The following PDGFD variants were observed in gnomAD, a reference collection of about 807,000 sequenced individuals.
PDGFD encodes platelet-derived growth factor D.
A neutral mutation model predicts 44.7 loss-of-function variants in PDGFD; 30 were observed. That is an observed-to-expected ratio of 0.67 (90% CI 0.50 to 0.91). The LOEUF is 0.91. Ranked by LOEUF, PDGFD falls within the 40% of genes least tolerant of loss-of-function variation. The probability of loss-of-function intolerance (pLI) is 0.00; values close to 1 mark genes in which losing one functional copy is unlikely to be tolerated. For synonymous variants in PDGFD, 173 were observed against 168.4 expected, an observed-to-expected ratio of 1.03 and a Z score of -0.21; for missense variants, 445 against 457.8, an observed-to-expected ratio of 0.97 and a Z score of 0.25.
chr11:103,947,642 C>A lies in PDGFD; in HGVS notation c.573+20G>T. Reference sequence around the variant, plus strand: ...TTCCATCCGTTTCTTTTGCTGGCAACAGAGTAATAAATTACTTACTGAAAT... The same window carrying A: ...TTCCATCCGTTTCTTTTGCTGGCAAAAGAGTAATAAATTACTTACTGAAAT... On this transcript the variant is annotated intron_variant, in intron 4 of 6. Transcript: ENST00000393158. The A allele has an allele frequency of 1.2e-6, 2 of 1,600,968 alleles. No individual in the cohort carries two copies. Among genetic ancestry groups the A allele is most frequent in the Non-Finnish European group, 1.7e-6 (2 of 1,168,274 alleles).
chr11:104,093,855 T>C (rs1047408267), intron 1 of PDGFD, among the ~76,000 whole-genome samples: 10 of 149,556 alleles, frequency 6.7e-5, no homozygotes, highest in Non-Finnish European at 1.5e-5. Flanking sequence ...CTGTTCATCC[T>C]CTCTCTTTCT....
At chr11:104,152,172 G>T (rs1239540481) in intron 1 of PDGFD, among the ~76,000 whole-genome samples, 1 of 152,080 alleles carries the variant, frequency 6.6e-6, no homozygotes, top group East Asian at 1.9e-4. Context: ...GTAAACTAAA[G>T]AATAAAAACT....
At chr11:103,925,735 A>ATATATG (rs1446127975) in intron 6 of PDGFD, among the ~76,000 whole-genome samples, 2 of 141,726 alleles carry the variant, frequency 1.4e-5, no homozygotes, top group African/African-American at 5.3e-5. Flanking sequence ...ATATATATAT[A>ATATATG]TGTAATTTTT....
intron 1 of PDGFD, among the ~76,000 whole-genome samples, chr11:104,042,527 T>C (rs1860372417): frequency 6.6e-6 from 1 of 152,242 alleles, no homozygotes; most frequent in East Asian, 1.9e-4. Flanking sequence ...AAGACTTTTA[T>C]AAATCCAGTT....
chr11:104,036,550 T>C lies in PDGFD; in HGVS notation c.125-36295A>G, dbSNP rs572385156. On this transcript the variant is annotated intron_variant, in intron 1 of 6. Coordinates refer to ENST00000393158, the MANE Select transcript of PDGFD (RefSeq NM_025208.5). ...TTGAGCCATCGTGTATCCATGGGAG[T>C]AGGCATTCTAGGTTCCAAACAGCAC... is the stretch of plus-strand genomic sequence containing the variant. 3.0e-4 allele frequency: 149 copies of C among 502,862 alleles called. 6 individuals are homozygous for C. In the South Asian group the frequency reaches 4.0e-3, roughly 13 times the overall value. The allele number at this position is 502,862 out of a possible 1,614,324, so 31.2% of individuals were successfully genotyped here.
intron 1 of PDGFD, among the ~76,000 whole-genome samples, chr11:104,082,543 C>A (rs1861060137): frequency 6.6e-6 from 1 of 152,056 alleles, no homozygotes; most frequent in Admixed American, 6.6e-5. Flanking sequence ...TTTTAGTTCA[C>A]TCATTTCAAA....
chr11:104,088,740 A>T (rs752814415), intron 1 of PDGFD, among the ~76,000 whole-genome samples: 4 of 152,184 alleles, frequency 2.6e-5, no homozygotes, highest in Admixed American at 6.6e-5. Context: ...ACAAAGGTCA[A>T]CTAGATCAGA....
At chr11:103,944,241 G>A (rs567246685) in intron 4 of PDGFD, among the ~76,000 whole-genome samples, 2 of 152,274 alleles carry the variant, frequency 1.3e-5, no homozygotes, top group Admixed American at 1.3e-4. Flanking sequence ...TAAAAGGAGA[G>A]GATTCACATG....
chr11:104,002,505 T>G (rs1859635415), intron 1 of PDGFD, among the ~76,000 whole-genome samples: 1 of 152,200 alleles, frequency 6.6e-6, no homozygotes, highest in Non-Finnish European at 1.5e-5. Context: ...TCCCAAGGGC[T>G]CCTATGCCAT....
intron 1 of PDGFD, among the ~76,000 whole-genome samples, chr11:104,109,311 G>A (rs1281694959): frequency 6.6e-6 from 1 of 152,066 alleles, no homozygotes; most frequent in East Asian, 1.9e-4. Context: ...TGTGTTATTC[G>A]AGATGTTTCT....
chr11:104,013,332 G>T (rs1859811636), intron 1 of PDGFD, among the ~76,000 whole-genome samples: 1 of 152,136 alleles, frequency 6.6e-6, no homozygotes, highest in Admixed American at 6.6e-5. Flanking sequence ...AGAGGGCAGG[G>T]TATAAAAGGC....
chr11:104,069,872 A>AT (rs1252244383), intron 1 of PDGFD, among the ~76,000 whole-genome samples: 1 of 152,192 alleles, frequency 6.6e-6, no homozygotes, highest in Admixed American at 6.5e-5. Flanking sequence ...AAGAAAAAAA[A>AT]ATTATGCTTT....
chr11:104,106,866 C>T (rs1565336752), intron 1 of PDGFD, among the ~76,000 whole-genome samples: 3 of 151,820 alleles, frequency 2.0e-5, no homozygotes, highest in Admixed American at 6.6e-5. Context: ...ACCTTAGCCT[C>T]GCAAGTAGCT....
intron 3 of PDGFD, among the ~76,000 whole-genome samples, chr11:103,956,906 G>A (rs1015964567): frequency 1.1e-4 from 17 of 151,946 alleles, no homozygotes; most frequent in African/African-American, 4.1e-4. Context: ...TTTTGATGGG[G>A]TTGTTTTTTT....
intron 6 of PDGFD, among the ~76,000 whole-genome samples, chr11:103,924,716 A>ACAC (rs1459398295): frequency 6.6e-6 from 1 of 152,196 alleles, no homozygotes; most frequent in Non-Finnish European, 1.5e-5. Context: ...CAAAACCAAA[A>ACAC]CACCACCACC....
intron 1 of PDGFD, among the ~76,000 whole-genome samples, chr11:104,125,349 G>C (rs11226186): frequency 0.13 from 19,825 of 151,938 alleles, 1,426 homozygotes; most frequent in East Asian, 0.29. Context: ...GGGTTGGTTT[G>C]TGGATCAAAA....
intron 3 of PDGFD, among the ~76,000 whole-genome samples, chr11:103,957,765 A>G (rs1000487692): frequency 3.3e-5 from 5 of 152,158 alleles, no homozygotes; most frequent in African/African-American, 1.2e-4. Flanking sequence ...CATGAGAATG[A>G]TATTCAAGAA....
At chr11:103,955,891 A>C (rs1367758214) in intron 3 of PDGFD, among the ~76,000 whole-genome samples, 1 of 152,170 alleles carries the variant, frequency 6.6e-6, no homozygotes, top group Non-Finnish European at 1.5e-5. Flanking sequence ...CATTATTGAC[A>C]ATCAAGTACA....
chr11:104,038,548 T>G (rs1860294038), intron 1 of PDGFD: 1 of 168,222 alleles, frequency 5.9e-6, no homozygotes. Context: ...ACATGTCTGT[T>G]TGGGGCAGCA....
Sources: allele counts gnomAD v4.1 joint callset (sites outside exome capture counted in the v4.1 genomes callset), GRCh38; gene constraint gnomAD v4.1.1; transcripts MANE v1.5; gene names NCBI Gene and HGNC (gene_info 2026-07-23, HGNC 2026-07-21).